SHROOM3: variants seen among roughly 807,000 people sequenced by gnomAD.
SHROOM3 encodes protein Shroom3.
SHROOM3 carries 47 observed loss-of-function variants against 138.6 expected under a neutral mutation model. The ratio of observed to expected loss-of-function variants is 0.34; its 90% CI spans 0.27 to 0.43. The LOEUF (loss-of-function observed/expected upper bound fraction) is 0.43, where lower values mean the gene tolerates loss of function less well. SHROOM3 is among the 20% of genes least tolerant of loss of function. The pLI is 1.00. For missense variants in SHROOM3, 2,491 were observed against 2,596.5 expected (o/e 0.96, Z 0.88); for synonymous variants, 1,062 against 1,063.3 (o/e 1.00, Z 0.02).
At position 76,738,965 on chromosome 4, in the gene SHROOM3, C is replaced by T. The variant is rs757374651; in HGVS notation, c.792C>T (p.Ser264=). The change falls in exon 5 of 11, where the codon TCC becomes TCT. Residue 264 remains serine (S), a synonymous_variant. Coordinates refer to ENST00000296043, the MANE Select transcript of SHROOM3 (RefSeq NM_020859.4). ...NKRDSAYSSF[S]TSSSILEYPH... Reference sequence around the variant, plus strand: ...GAGACTCGGCTTACAGCTCTTTCTCCACCAGTTCTAGCATCCTAGAGTATC... The same window carrying T: ...GAGACTCGGCTTACAGCTCTTTCTCTACCAGTTCTAGCATCCTAGAGTATC... 6.8e-6 allele frequency: 11 copies of T among 1,614,106 alleles called. No homozygotes were observed. The highest frequency in any genetic ancestry group is 9.3e-6 in the Non-Finnish European group (11 of 1,180,046).
At chr4:76,709,225 A>G (rs1353940443) in intron 2 of SHROOM3, among the ~76,000 whole-genome samples, 1 of 152,230 alleles carries the variant, frequency 6.6e-6, no homozygotes, top group South Asian at 2.1e-4. Flanking sequence ...CAGAGGAGGC[A>G]CGGCCTCATT....
intron 3 of SHROOM3, among the ~76,000 whole-genome samples, chr4:76,711,651 T>G (rs190005006): frequency 1.5e-3 from 234 of 152,114 alleles, no homozygotes; most frequent in African/African-American, 5.4e-3. Flanking sequence ...CATGATTGAG[T>G]CACTGCGCTC....
At chr4:76,658,178 G>A (rs1736106079) in intron 2 of SHROOM3, among the ~76,000 whole-genome samples, 1 of 152,242 alleles carries the variant, frequency 6.6e-6, no homozygotes. Context: ...TCCACCGACT[G>A]TGAGGATGTG....
intron 2 of SHROOM3, among the ~76,000 whole-genome samples, chr4:76,665,519 GC>G (rs1215550010): frequency 3.3e-5 from 5 of 152,186 alleles, no homozygotes; most frequent in Non-Finnish European, 7.3e-5. Context: ...GAAATTCAAG[GC>G]TTTGCCTGGA....
chr4:76,574,417 A>G (rs1298086636), intron 2 of SHROOM3, among the ~76,000 whole-genome samples: 1 of 152,150 alleles, frequency 6.6e-6, no homozygotes. Context: ...TGAGCCTAGC[A>G]ATCTGATTTA....
At chr4:76,719,800 G>C (rs958029730) in intron 3 of SHROOM3, among the ~76,000 whole-genome samples, 1 of 152,184 alleles carries the variant, frequency 6.6e-6, no homozygotes, top group Non-Finnish European at 1.5e-5. Flanking sequence ...ATGGAGGATG[G>C]GGAGGAGATA....
intron 1 of SHROOM3, among the ~76,000 whole-genome samples, chr4:76,528,154 A>C (rs1411600692): frequency 6.6e-6 from 1 of 152,220 alleles, no homozygotes; most frequent in Non-Finnish European, 1.5e-5. Flanking sequence ...AAATTTTTAC[A>C]ATCACATTTG....
chr4:76,726,396 G>A (rs1720705044), intron 3 of SHROOM3, among the ~76,000 whole-genome samples: 4 of 151,884 alleles, frequency 2.6e-5, no homozygotes, highest in African/African-American at 9.7e-5. Context: ...TTTGTGACTT[G>A]TAAATTTCTA....
chr4:76,557,145 GC>G (rs1432670562), intron 2 of SHROOM3, among the ~76,000 whole-genome samples: 2 of 151,370 alleles, frequency 1.3e-5, no homozygotes, highest in African/African-American at 4.9e-5. Context: ...ATGTATTTAT[GC>G]CAAAATATGG....
chr4:76,740,452 G>A lies in SHROOM3; in HGVS notation c.2279G>A (p.Gly760Glu), dbSNP rs776095230. The A allele has an allele frequency of 1.9e-6, 3 of 1,611,610 alleles. No individual in the cohort carries two copies. Among genetic ancestry groups the A allele is most frequent in the South Asian group, 1.1e-5 (1 of 91,036 alleles). Residue 760 changes from glycine (G) to glutamate (E), a missense_variant, in exon 5 of 11, where the codon GGG becomes GAG. Around this residue, in one of 4 missense-constraint regions of SHROOM3, gnomAD observed 1,733 missense variants for 1,661.6 expected, o/e 1.04. Coordinates refer to ENST00000296043, the MANE Select transcript of SHROOM3 (RefSeq NM_020859.4). The surrounding 1 kb of genome is among the most constrained non-coding windows in gnomAD (Gnocchi z 4.0). ...HPHTSSLGRR[G>E]PGPGSASALQ... ...CACACATCCAGTCTGGGCCGGAGGG[G>A]GCCCGGCCCAGGCAGCGCCTCGGCT...
intron 1 of SHROOM3, among the ~76,000 whole-genome samples, chr4:76,487,760 T>C (rs975412301): frequency 1.3e-5 from 2 of 152,204 alleles, no homozygotes; most frequent in Non-Finnish European, 2.9e-5. Context: ...TCACTAAGAA[T>C]TGGAACTATA....
chr4:76,567,102 A>G (rs1038998192), intron 2 of SHROOM3, among the ~76,000 whole-genome samples: 1 of 152,168 alleles, frequency 6.6e-6, no homozygotes, highest in African/African-American at 2.4e-5. Context: ...CTCTAGTCTG[A>G]TGCTGCGTTT....
chr4:76,768,019 A>G (rs1362697364), intron 9 of SHROOM3, among the ~76,000 whole-genome samples: 2 of 152,190 alleles, frequency 1.3e-5, no homozygotes, highest in Non-Finnish European at 2.9e-5. Context: ...CCCAGTAACT[A>G]TCTCTTTCAA....
At chr4:76,483,080 A>G (rs1027654119) in intron 1 of SHROOM3, among the ~76,000 whole-genome samples, 16 of 152,258 alleles carry the variant, frequency 1.1e-4, no homozygotes, top group African/African-American at 3.6e-4. Context: ...CATTCAGGAC[A>G]TAGGCATGGG....
intron 2 of SHROOM3, among the ~76,000 whole-genome samples, chr4:76,622,136 A>G (rs1271048461): frequency 6.6e-6 from 1 of 151,898 alleles, no homozygotes; most frequent in African/African-American, 2.4e-5. Flanking sequence ...CATTCTTTAT[A>G]TCCCATTTAG....
chr4:76,673,611 C>T (rs1718948172), intron 2 of SHROOM3, among the ~76,000 whole-genome samples: 1 of 152,132 alleles, frequency 6.6e-6, no homozygotes, highest in Admixed American at 6.5e-5. Flanking sequence ...TTTTCCTCTT[C>T]AGAATGAATT....
intron 1 of SHROOM3, chr4:76,509,824 T>C (rs1050272957): frequency 6.6e-6 from 1 of 152,202 alleles, no homozygotes; most frequent in African/African-American, 2.4e-5. Context: ...CCATATAGAA[T>C]TACACATATT....
chr4:76,581,610 T>C (rs532960534), intron 2 of SHROOM3, among the ~76,000 whole-genome samples: 7 of 152,336 alleles, frequency 4.6e-5, no homozygotes, highest in East Asian at 1.9e-4. Flanking sequence ...AAAATGAGCA[T>C]TGGGCTCAGC....
chr4:76,467,068 G>T (rs1377747980), intron 1 of SHROOM3, among the ~76,000 whole-genome samples: 7 of 147,112 alleles, frequency 4.8e-5, no homozygotes, highest in African/African-American at 1.7e-4. Context: ...TTCTAGACAG[G>T]GTCTCACTCT....
Sources: gnomAD v4.1 joint callset for allele counts (sites outside exome capture counted in the v4.1 genomes callset) on GRCh38, gnomAD v4.1.1 for gene constraint, gnomAD v4.1.1 regional missense constraint, Gnocchi (gnomAD v3.1) non-coding constraint, MANE v1.5 for transcripts, NCBI Gene and HGNC (gene_info 2026-07-23, HGNC 2026-07-21) for gene names.